Variants in USP25 observed in about 807,000 individuals in gnomAD.
USP25 encodes ubiquitin carboxyl-terminal hydrolase 25.
In USP25, 85 loss-of-function variants were observed where a neutral mutation model predicts 158.5. The observed-to-expected ratio is 0.54, with a 90% CI of 0.45 to 0.64. The LOEUF (loss-of-function observed/expected upper bound fraction) is 0.64. Ranked by LOEUF, USP25 falls within the 30% of genes least tolerant of loss-of-function variation. The pLI is 0.00. For missense variants in USP25, 1,242 were observed against 1,327.3 expected, an observed-to-expected ratio of 0.94 and a Z score of 1.00; for synonymous variants, 464 against 460.4, an observed-to-expected ratio of 1.01 and a Z score of -0.10.
intron 1 of USP25, among the ~76,000 whole-genome samples, chr21:15,761,179 G>C (rs970496039): frequency 6.6e-6 from 1 of 152,194 alleles, no homozygotes; most frequent in African/African-American, 2.4e-5. Context: ...AGATTATAGA[G>C]TGTCAGGAGG....
At chr21:15,740,971 G>T (rs1884975632) in intron 1 of USP25, among the ~76,000 whole-genome samples, 1 of 151,006 alleles carries the variant, frequency 6.6e-6, no homozygotes, top group African/African-American at 2.4e-5. Context: ...GATGAATTTG[G>T]CCATACAGAA....
At chr21:15,784,232 T>C (rs954567029) in intron 4 of USP25, among the ~76,000 whole-genome samples, 3 of 152,182 alleles carry the variant, frequency 2.0e-5, no homozygotes, top group Non-Finnish European at 4.4e-5. Context: ...AAGTTAAAAA[T>C]GTCAGAAATA....
At chr21:15,764,223 C>G (rs1293377694) in intron 2 of USP25, among the ~76,000 whole-genome samples, 1 of 151,868 alleles carries the variant, frequency 6.6e-6, no homozygotes, top group African/African-American at 2.4e-5. Flanking sequence ...TACTAAATTC[C>G]ATGTTTGTTT....
rs951569777 is a variant in USP25 at position 15,730,013 on chromosome 21, C to T, written c.-381C>T. The T allele has an allele frequency of 2.6e-5, 4 of 151,704 alleles. No homozygotes were observed. Among genetic ancestry groups the T allele is most frequent in the African/African-American group, 9.7e-5 (4 of 41,390 alleles). The allele number at this position is 151,704 out of a possible 1,614,324, so 9.4% of individuals were successfully genotyped here. A position where few individuals can be genotyped will look rare whatever the true frequency, so the allele number is the denominator to read the frequency against. ...GGCGGCCGCTCCCTCCGTCCCCTCT[C>T]TCCCTTCCCCAAAGCAGCCCGCGGA... On this transcript the variant is annotated 5_prime_UTR_variant, in exon 1 of 26. Coordinates refer to ENST00000400183, the MANE Select transcript of USP25 (RefSeq NM_001283041.3).
intron 4 of USP25, among the ~76,000 whole-genome samples, chr21:15,784,817 C>G (rs1421720261): frequency 6.6e-6 from 1 of 151,562 alleles, no homozygotes; most frequent in East Asian, 1.9e-4. Context: ...ACCACCAAAC[C>G]ACAGAAGTAA....
At chr21:15,801,430 AAT>A (rs1017706188) in intron 6 of USP25, among the ~76,000 whole-genome samples, 4 of 151,560 alleles carry the variant, frequency 2.6e-5, no homozygotes, top group African/African-American at 9.7e-5. Flanking sequence ...GAAATAAAAG[AAT>A]TTCTCACTTC....
chr21:15,851,297 A>G (rs113410603), intron 20 of USP25, among the ~76,000 whole-genome samples: 3 of 152,260 alleles, frequency 2.0e-5, no homozygotes, highest in African/African-American at 7.2e-5. Context: ...ATATATTACA[A>G]CAGTTAGTAA....
intron 10 of USP25, among the ~76,000 whole-genome samples, chr21:15,820,454 A>G (rs1267123724): frequency 6.6e-6 from 1 of 151,350 alleles, no homozygotes; most frequent in East Asian, 1.9e-4. Flanking sequence ...TTTTTCATCT[A>G]GCCTAGGGAA....
At chr21:15,853,048 AACAATG>A (rs2038959125) in intron 20 of USP25, among the ~76,000 whole-genome samples, 1 of 152,198 alleles carries the variant, frequency 6.6e-6, no homozygotes, top group Admixed American at 6.5e-5. Context: ...AAATAAAACT[AACAATG>A]ACAGTCTCTG....
chr21:15,811,897 C>A (rs1221496862), intron 9 of USP25, among the ~76,000 whole-genome samples: 1 of 152,060 alleles, frequency 6.6e-6, no homozygotes, highest in African/African-American at 2.4e-5. Flanking sequence ...TGAAAGTTAT[C>A]TTTTTCCAGA....
chr21:15,838,630 T>C (rs779326311), intron 17 of USP25, among the ~76,000 whole-genome samples: 2 of 152,166 alleles, frequency 1.3e-5, no homozygotes, highest in African/African-American at 2.4e-5. Context: ...TTGTGGACTT[T>C]TAAATACATT....
At chr21:15,752,172 A>G (rs1241826354) in intron 1 of USP25, among the ~76,000 whole-genome samples, 1 of 151,572 alleles carries the variant, frequency 6.6e-6, no homozygotes, top group Non-Finnish European at 1.5e-5. Flanking sequence ...ACCTCAGGTG[A>G]TCTGCCTGCC....
chr21:15,787,250 A>G (rs559166189), intron 4 of USP25, among the ~76,000 whole-genome samples: 1 of 152,230 alleles, frequency 6.6e-6, no homozygotes, highest in South Asian at 2.1e-4. Context: ...TAGAAAAGAC[A>G]ATCCCAAAAA....
chr21:15,803,104 A>G (rs1188789436), intron 6 of USP25, among the ~76,000 whole-genome samples: 1 of 151,704 alleles, frequency 6.6e-6, no homozygotes, highest in Non-Finnish European at 1.5e-5. Flanking sequence ...CCTACATTAT[A>G]TTAAAGGAAC....
Position 15,816,656 on chromosome 21 carries a change from C to T in USP25, c.932-2042C>T, listed in dbSNP as rs951955092. On this transcript the variant is annotated intron_variant, in intron 9 of 25. Coordinates refer to ENST00000400183, the MANE Select transcript of USP25 (RefSeq NM_001283041.3). This position sits in a 1 kb window ranked among gnomAD's most constrained non-coding sequence, Gnocchi z 4.0. The stretch of plus-strand genomic sequence containing the variant: ...GCATCTCATTCAGTGCCTTAATTTC[C>T]TGCTGTCAATAAGCCAGCAATTCTA... Among the ~76,000 whole-genome samples, 5 of 152,116 alleles carry T rather than the reference C, an allele frequency of 3.3e-5. No homozygotes were observed. The highest frequency in any genetic ancestry group is 4.8e-5 in the African/African-American group (2 of 41,406).
chr21:15,861,484 T>C (rs1485752331), intron 20 of USP25, among the ~76,000 whole-genome samples: 2 of 152,148 alleles, frequency 1.3e-5, no homozygotes, highest in Non-Finnish European at 2.9e-5. Context: ...CCAAAAAATA[T>C]GGGCAAATAT....
intron 3 of USP25, among the ~76,000 whole-genome samples, chr21:15,774,676 C>G (rs1355026961): frequency 6.6e-6 from 1 of 152,136 alleles, no homozygotes; most frequent in Non-Finnish European, 1.5e-5. Flanking sequence ...TTTATGTGTA[C>G]TTCTTATGTT....
At position 15,823,443 on chromosome 21, in the gene USP25, T is replaced by C. The variant is rs181940662; in HGVS notation, c.1081-596T>C. 9.2e-5 allele frequency among the ~76,000 whole-genome samples: 14 copies of C among 152,248 alleles called. No homozygotes were observed. In the East Asian group the frequency reaches 1.5e-3, roughly 17 times the overall value. ...ATGAGACATTCAATTCTTTAAACAC[T>C]AGTTATTTTAAAAGATTTTAAGTAA... On this transcript the variant is annotated intron_variant, in intron 10 of 25. Coordinates refer to ENST00000400183, the MANE Select transcript of USP25 (RefSeq NM_001283041.3).
At chr21:15,743,219 C>T (rs1357090565) in intron 1 of USP25, among the ~76,000 whole-genome samples, 1 of 152,212 alleles carries the variant, frequency 6.6e-6, no homozygotes, top group African/African-American at 2.4e-5. Context: ...CTCATCACTC[C>T]CATATTCCAG....
Sources: gnomAD v4.1 joint callset for allele counts (sites outside exome capture counted in the v4.1 genomes callset) on GRCh38, gnomAD v4.1.1 for gene constraint, Gnocchi (gnomAD v3.1) non-coding constraint, MANE v1.5 for transcripts, NCBI Gene and HGNC (gene_info 2026-07-23, HGNC 2026-07-21) for gene names.